Variants in CCSER1 observed in about 807,000 individuals in gnomAD.
CCSER1 encodes the protein serine-rich coiled-coil domain-containing protein 1.
CCSER1 carries 41 observed loss-of-function variants against 82.0 expected under a neutral mutation model. The observed-to-expected ratio is 0.50, with a 90% CI of 0.39 to 0.65. CCSER1 has a LOEUF of 0.65. Among genes scored for constraint, CCSER1 ranks in the 30% least tolerant of loss-of-function variants. CCSER1 has a pLI of 0.00. For synonymous variants in CCSER1, 414 were observed against 383.9 expected (o/e 1.08, Z -0.92); for missense variants, 1,119 against 1,064.2 (o/e 1.05, Z -0.72).
chr4:90,458,766 G>C (rs961626241), intron 4 of CCSER1, among the ~76,000 whole-genome samples: 1 of 152,226 alleles, frequency 6.6e-6, no homozygotes, highest in African/African-American at 2.4e-5. Flanking sequence ...TACAGATGAT[G>C]ATGCCATTCT....
At chr4:91,115,468 A>G (rs1726473581) in intron 10 of CCSER1, among the ~76,000 whole-genome samples, 1 of 152,090 alleles carries the variant, frequency 6.6e-6, no homozygotes, top group Non-Finnish European at 1.5e-5. Context: ...TTGGGACTAC[A>G]GGTGTGCGCC....
At chr4:90,286,936 C>T (rs1354913486) in intron 1 of CCSER1, among the ~76,000 whole-genome samples, 2 of 151,960 alleles carry the variant, frequency 1.3e-5, no homozygotes, top group Admixed American at 1.3e-4. Context: ...TTAATCATTG[C>T]AGAATGGAGA....
chr4:90,624,772 A>C (rs553807862), intron 5 of CCSER1, among the ~76,000 whole-genome samples: 1 of 152,326 alleles, frequency 6.6e-6, no homozygotes, highest in South Asian at 2.1e-4. Flanking sequence ...TGTATGTCTC[A>C]AACTTTAAAT....
intron 10 of CCSER1, among the ~76,000 whole-genome samples, chr4:91,576,720 T>C (rs992032518): frequency 6.6e-6 from 1 of 152,036 alleles, no homozygotes; most frequent in East Asian, 1.9e-4. Context: ...ACACACAGGC[T>C]GAAGGTAATT....
chr4:90,362,225 G>A (rs760225934), intron 3 of CCSER1, among the ~76,000 whole-genome samples: 7 of 152,126 alleles, frequency 4.6e-5, no homozygotes, highest in Non-Finnish European at 7.3e-5. Flanking sequence ...AATTTTGGAC[G>A]ATAATACTGT....
intron 1 of CCSER1, among the ~76,000 whole-genome samples, chr4:90,295,304 G>A (rs546679824): frequency 6.6e-6 from 1 of 151,958 alleles, no homozygotes; most frequent in African/African-American, 2.4e-5. Context: ...GTAAATGTCT[G>A]TCCATATATA....
chr4:91,296,489 T>G (rs1744193739), intron 10 of CCSER1, among the ~76,000 whole-genome samples: 2 of 109,756 alleles, frequency 1.8e-5, no homozygotes, highest in African/African-American at 9.2e-5. Flanking sequence ...ATATATATTT[T>G]AATTAAATAT....
At chr4:90,742,993 A>T (rs1011144569) in intron 7 of CCSER1, among the ~76,000 whole-genome samples, 5 of 152,152 alleles carry the variant, frequency 3.3e-5, no homozygotes, top group Admixed American at 2.0e-4. Context: ...CATACCACAC[A>T]TAAGTAATTT....
chr4:90,797,037 T>A (rs1756136364), intron 7 of CCSER1, among the ~76,000 whole-genome samples: 1 of 152,166 alleles, frequency 6.6e-6, no homozygotes, highest in Admixed American at 6.5e-5. Flanking sequence ...GTCTTGAAGA[T>A]CTTTGCTTAT....
At chr4:90,143,943 G>C (rs1334720349) in intron 1 of CCSER1, among the ~76,000 whole-genome samples, 3 of 152,040 alleles carry the variant, frequency 2.0e-5, no homozygotes, top group African/African-American at 7.2e-5. Context: ...TCCCACCTCA[G>C]CCTCCCAAAG....
intron 9 of CCSER1, among the ~76,000 whole-genome samples, chr4:90,945,497 G>T (rs7688258): frequency 0.29 from 44,551 of 151,850 alleles, 6,933 homozygotes; most frequent in Non-Finnish European, 0.32. Flanking sequence ...TTGTTTTATA[G>T]TCCATTTTCT....
intron 10 of CCSER1, among the ~76,000 whole-genome samples, chr4:91,273,847 T>A (rs1042229806): frequency 3.3e-5 from 5 of 152,206 alleles, no homozygotes; most frequent in African/African-American, 1.2e-4. Context: ...CTTGTCTTCA[T>A]CTATTGAGAT....
chr4:90,196,819 G>A (rs1318538680), intron 1 of CCSER1, among the ~76,000 whole-genome samples: 1 of 152,056 alleles, frequency 6.6e-6, no homozygotes, highest in Non-Finnish European at 1.5e-5. Context: ...ATTAGGGATA[G>A]GAAAAGCAAG....
intron 10 of CCSER1, among the ~76,000 whole-genome samples, chr4:91,307,074 C>T (rs1560579658): frequency 6.6e-6 from 1 of 151,798 alleles, no homozygotes; most frequent in Non-Finnish European, 1.5e-5. Context: ...AAATTTCATT[C>T]TTAAGTATCA....
intron 1 of CCSER1, among the ~76,000 whole-genome samples, chr4:90,233,635 A>G (rs1414106604): frequency 4.0e-5 from 1 of 25,248 alleles, no homozygotes; most frequent in South Asian, 2.7e-3. Context: ...ATAATAAATT[A>G]AAAAAAAAAA....
intron 10 of CCSER1, among the ~76,000 whole-genome samples, chr4:91,286,556 A>G (rs1218633014): frequency 6.6e-6 from 1 of 151,934 alleles, no homozygotes; most frequent in East Asian, 1.9e-4. Flanking sequence ...ATGTGTTGGT[A>G]TAACCTTATC....
chr4:91,252,615 T>C (rs1280442426), intron 10 of CCSER1, among the ~76,000 whole-genome samples: 1 of 152,178 alleles, frequency 6.6e-6, no homozygotes, highest in Non-Finnish European at 1.5e-5. Context: ...AGAAGAATTA[T>C]TTTTTAATAT....
chr4:90,767,861 C>G (rs1021439641), intron 7 of CCSER1, among the ~76,000 whole-genome samples: 4 of 151,898 alleles, frequency 2.6e-5, no homozygotes, highest in Non-Finnish European at 4.4e-5. Flanking sequence ...CCATGTTGCC[C>G]AGGCTGGTGT....
chr4:91,163,603 A>T (rs1731687165), intron 10 of CCSER1, among the ~76,000 whole-genome samples: 1 of 152,084 alleles, frequency 6.6e-6, no homozygotes, highest in Non-Finnish European at 1.5e-5. Flanking sequence ...TGGTTTATGA[A>T]TCTAGATGCT....
Sources: allele counts gnomAD v4.1 joint callset (sites outside exome capture counted in the v4.1 genomes callset), GRCh38; gene constraint gnomAD v4.1.1; transcripts MANE v1.5; gene names NCBI Gene and HGNC (gene_info 2026-07-23, HGNC 2026-07-21).